The following RYR2 variants were observed in gnomAD, a reference collection of about 807,000 sequenced individuals.
RYR2 encodes cardiac muscle ryanodine receptor-calcium release channel.
A neutral mutation model predicts 601.1 loss-of-function variants in RYR2; 227 were observed. That is an observed-to-expected ratio of 0.38 (90% confidence interval 0.34 to 0.42). The LOEUF is 0.42. Ranked by LOEUF, RYR2 falls within the 10% of genes least tolerant of loss-of-function variation. The pLI, the probability that RYR2 is intolerant of heterozygous loss-of-function variation, is 1.00. For synonymous variants in RYR2, 2,223 were observed against 2,175.1 expected (o/e 1.02, Z -0.61); for missense variants, 4,646 against 6,156.5 (o/e 0.75, Z 8.21).
intron 1 of RYR2, among the ~76,000 whole-genome samples, chr1:237,220,679 A>G (rs1362556316): frequency 6.6e-6 from 1 of 152,184 alleles, no homozygotes; most frequent in Non-Finnish European, 1.5e-5. Context: ...AAACCTTTTC[A>G]GAGTAGATTA....
intron 1 of RYR2, among the ~76,000 whole-genome samples, chr1:237,248,906 C>T (rs1325683187): frequency 1.3e-5 from 2 of 151,944 alleles, no homozygotes; most frequent in African/African-American, 4.8e-5. Flanking sequence ...GGATTACAGG[C>T]ATGCGCCACC....
intron 10 of RYR2, among the ~76,000 whole-genome samples, chr1:237,390,445 T>C (rs1454352734): frequency 1.3e-5 from 2 of 152,192 alleles, no homozygotes; most frequent in African/African-American, 2.4e-5. Context: ...TATGGGGCTA[T>C]TGAAAAGACT....
At chr1:237,506,996 C>G (rs1037888255) in intron 23 of RYR2, among the ~76,000 whole-genome samples, 182 bp downstream of exon 23, 4 of 152,146 alleles carry the variant, frequency 2.6e-5, no homozygotes, top group African/African-American at 4.8e-5. Flanking sequence ...ATGGGGCTGA[C>G]AGGCATTATT....
intron 2 of RYR2, among the ~76,000 whole-genome samples, chr1:237,293,401 T>A (rs1244171250): frequency 6.6e-6 from 1 of 152,066 alleles, no homozygotes; most frequent in Non-Finnish European, 1.5e-5. Context: ...GAGATAGGGT[T>A]TTGCCATGTT....
In RYR2 at chr1:237,503,360, A is replaced by G. The variant is rs759178071; in HGVS notation, c.2468A>G (p.Tyr823Cys). 6.2e-7 allele frequency: 1 copy of G among 1,613,966 alleles called. No individual in the cohort carries two copies. Among genetic ancestry groups the G allele is most frequent in the South Asian group, 1.1e-5 (1 of 91,080 alleles). The change falls in exon 22 of 105, where the codon TAT (tyrosine) becomes TGT (cysteine). Residue 823 changes from tyrosine to cysteine, a missense_variant. Physicochemically the swap from Tyr to Cys is radical, Grantham distance 194 (BLOSUM62 -2). This residue lies in a region of RYR2 where 1,807 missense variants were observed against 2,088.1 expected (regional missense o/e 0.87). Transcript: ENST00000366574. ...CCTCCACCTGGGTATGCTCCTTGTT[A>G]TGAAGCTGTTCTGCCAAAAGAAAAG... ...FLPPPGYAPCYEAVLPKEKLK... is the reference protein window; with the variant it reads ...FLPPPGYAPCCEAVLPKEKLK...
intron 65 of RYR2, among the ~76,000 whole-genome samples, chr1:237,701,440 A>T (rs918874117): frequency 3.9e-5 from 6 of 152,044 alleles, no homozygotes; most frequent in African/African-American, 1.2e-4. Context: ...CTGAGACAAG[A>T]TAATCACTTG....
At chr1:237,695,875 G>T (rs1267718335) in intron 63 of RYR2, among the ~76,000 whole-genome samples, 1 of 152,104 alleles carries the variant, frequency 6.6e-6, no homozygotes, top group Non-Finnish European at 1.5e-5. Context: ...TCTAAAAGGG[G>T]TCTACCAAGA....
intron 63 of RYR2, among the ~76,000 whole-genome samples, chr1:237,691,852 A>G (rs1686972489): frequency 2.0e-5 from 3 of 152,234 alleles, no homozygotes; most frequent in Admixed American, 6.5e-5. Flanking sequence ...CAGGTAGGAC[A>G]TAAATAGGAC....
chr1:237,795,140 TTA>T, intron 95 of RYR2, 147 bp from the exon 96 acceptor site: 1 of 461,632 alleles, frequency 2.2e-6, no homozygotes. Flanking sequence ...ATGCAGGAAA[TTA>T]TGTGATGTTA....
At chr1:237,248,733 G>A (rs1467440135) in intron 1 of RYR2, among the ~76,000 whole-genome samples, 1 of 151,008 alleles carries the variant, frequency 6.6e-6, no homozygotes, top group East Asian at 2.0e-4. Flanking sequence ...GACATACACA[G>A]ATGACTAGAC....
intron 25 of RYR2, among the ~76,000 whole-genome samples, chr1:237,537,975 G>C (rs1668823752): frequency 6.6e-6 from 1 of 152,054 alleles, no homozygotes; most frequent in Admixed American, 6.6e-5. Context: ...TGATACTTTT[G>C]CATAGGCCTG....
In RYR2 at chr1:237,733,768, T is replaced by A. The variant is rs780916946; in HGVS notation, c.11091+12T>A. The A allele has an allele frequency of 6.5e-7, 1 of 1,546,652 alleles. No homozygotes were observed. The highest frequency in any genetic ancestry group is 8.9e-7 in the Non-Finnish European group (1 of 1,120,182). Reference sequence around the variant, plus strand: ...ATATTATGGCAAAGGTAAATAAGTATCCTTCCTGATTTTCATGTTTAATTT... The same window carrying A: ...ATATTATGGCAAAGGTAAATAAGTAACCTTCCTGATTTTCATGTTTAATTT... On this transcript the variant is annotated intron_variant, in intron 79 of 104. Transcript: ENST00000366574.
In RYR2 at chr1:237,702,024, T is replaced by G; in HGVS notation, c.9414T>G (p.Tyr3138Ter). Residue 3138 changes from tyrosine to a stop codon, truncating the protein, a stop_gained, in exon 66 of 105, where the codon TAT becomes TAG. Transcript: ENST00000366574. LOFTEE classifies it high-confidence loss of function. The stretch of plus-strand genomic sequence containing the variant: ...GTTATAGAATTCTGACTAGCTTATA[T>G]GCTTTGGGAACCAGCAAGAGTATTT... ...VSCYRILTSL[Y>*]ALGTSKSIYV... The G allele has an allele frequency of 6.2e-7, 1 of 1,608,466 alleles. No individual in the cohort carries two copies. Among genetic ancestry groups the G allele is most frequent in the Non-Finnish European group, 8.5e-7 (1 of 1,175,094 alleles).
At chr1:237,518,037 C>T (rs907346321) in intron 24 of RYR2, among the ~76,000 whole-genome samples, 2 of 152,018 alleles carry the variant, frequency 1.3e-5, no homozygotes, top group Non-Finnish European at 2.9e-5. Context: ...CTGGACACAT[C>T]CCTTCCCTTC....
At chr1:237,436,791 T>C (rs1405663871) in intron 12 of RYR2, among the ~76,000 whole-genome samples, 1 of 151,124 alleles carries the variant, frequency 6.6e-6, no homozygotes, top group Non-Finnish European at 1.5e-5. Context: ...GCTAGAAGAA[T>C]TCCTCTGAAC....
At chr1:237,233,386 A>T (rs1172465165) in intron 1 of RYR2, among the ~76,000 whole-genome samples, 1 of 152,162 alleles carries the variant, frequency 6.6e-6, no homozygotes, top group Non-Finnish European at 1.5e-5. Flanking sequence ...CATCAGTTGA[A>T]CAAAACTTTG....
rs1659974587 is a variant in RYR2 at position 237,042,193 on chromosome 1, G to C, written c.-329G>C. 1.3e-5 allele frequency: 2 copies of C among 157,248 alleles called. No homozygotes were observed. The highest frequency in any genetic ancestry group is 1.3e-4 in the Admixed American group (2 of 15,418). 9.7% of individuals were successfully genotyped at this position (157,248 alleles called of 1,614,324 possible). On this transcript the variant is annotated 5_prime_UTR_variant, in exon 1 of 105. Coordinates refer to ENST00000366574, the MANE Select transcript of RYR2 (RefSeq NM_001035.3). ...TCAGCTGGCTCCGCGCACTTGCTCG[G>C]AGGAGCCGGGGCCGAGCGGACCGCC... is the stretch of plus-strand genomic sequence containing the variant.
In RYR2 at chr1:237,377,271, G is replaced by T. The variant is rs948507238; in HGVS notation, c.464-52G>T. The T allele has an allele frequency of 3.7e-6, 5 of 1,361,234 alleles. No individual in the cohort carries two copies. In the African/African-American group the frequency reaches 5.8e-5, roughly 16 times the overall value. 84.3% of individuals were successfully genotyped at this position (1,361,234 alleles called of 1,614,324 possible). A position where few individuals can be genotyped will look rare whatever the true frequency, so the allele number is the denominator to read the frequency against. ...TTGGGAATCATTGGCAAAGAAAATA[G>T]ATTTTAATTAAGAGGAACTTTTTCA... On this transcript the variant is annotated intron_variant, in intron 7 of 104. Transcript: ENST00000366574.
intron 17 of RYR2, among the ~76,000 whole-genome samples, chr1:237,480,141 G>A (rs980360882): frequency 2.6e-5 from 4 of 152,048 alleles, no homozygotes; most frequent in African/African-American, 9.7e-5. Flanking sequence ...ATATCTGGCG[G>A]GGCATGGTGG....
Sources: allele counts gnomAD v4.1 joint callset (sites outside exome capture counted in the v4.1 genomes callset), GRCh38; gene constraint gnomAD v4.1.1; regional missense constraint gnomAD v4.1.1; transcripts MANE v1.5; gene names NCBI Gene and HGNC (gene_info 2026-07-23, HGNC 2026-07-21).